Variants in NTM observed in about 807,000 individuals in gnomAD.
The protein encoded by NTM is IgLON family member 2.
Under a neutral mutation model 42.1 loss-of-function variants are expected in NTM, and 13 were observed. That is an observed-to-expected ratio of 0.31 (90% CI 0.20 to 0.49). NTM has a LOEUF of 0.49. NTM is among the 20% of genes least tolerant of loss of function. The pLI is 0.99. For synonymous variants in NTM, 187 were observed against 179.2 expected, an observed-to-expected ratio of 1.04 and a Z score of -0.35; for missense variants, 373 against 452.8, an observed-to-expected ratio of 0.82 and a Z score of 1.60.
intron 2 of NTM, among the ~76,000 whole-genome samples, chr11:131,948,203 TA>T (rs1442465861): frequency 3.3e-5 from 5 of 150,620 alleles, no homozygotes; most frequent in African/African-American, 9.8e-5. Flanking sequence ...CTACTAAAAA[TA>T]TAAAAAAAAA....
At chr11:131,824,944 G>T (rs565896132) in intron 1 of NTM, among the ~76,000 whole-genome samples, 1 of 152,292 alleles carries the variant, frequency 6.6e-6, no homozygotes, top group East Asian at 1.9e-4. Flanking sequence ...CGGCATGTAC[G>T]TTAGTTTGCT....
chr11:131,611,914 C>T (rs886458190), intron 1 of NTM, among the ~76,000 whole-genome samples: 3 of 152,186 alleles, frequency 2.0e-5, no homozygotes, highest in Non-Finnish European at 4.4e-5. Context: ...CTGTGGCAGC[C>T]ATCCTTCAAG....
At chr11:132,117,198 A>T (rs2064027298) in intron 2 of NTM, among the ~76,000 whole-genome samples, 1 of 152,254 alleles carries the variant, frequency 6.6e-6, no homozygotes, top group African/African-American at 2.4e-5. Context: ...TTAACCCTCT[A>T]GCAATGCAAA....
intron 2 of NTM, among the ~76,000 whole-genome samples, chr11:132,104,937 G>GTGTATATATATATA (rs1169190929): frequency 1.6e-5 from 1 of 61,826 alleles, no homozygotes; most frequent in Non-Finnish European, 3.0e-5. Context: ...ATATACATAT[G>GTGTATATATATATA]TATATATATA....
intron 8 of NTM, among the ~76,000 whole-genome samples, chr11:132,334,135 T>G (rs369478617): frequency 6.6e-6 from 1 of 152,252 alleles, no homozygotes; most frequent in East Asian, 1.9e-4. Context: ...TCCAAACTTA[T>G]GTACTCTACA....
chr11:131,910,570 G>C (rs1345388424), intron 1 of NTM, among the ~76,000 whole-genome samples: 1 of 151,194 alleles, frequency 6.6e-6, no homozygotes, highest in Non-Finnish European at 1.5e-5. Context: ...GTCAGGGATG[G>C]AGCTGCTGCC....
At chr11:131,745,258 T>C (rs1360059025) in intron 1 of NTM, among the ~76,000 whole-genome samples, 1 of 152,184 alleles carries the variant, frequency 6.6e-6, no homozygotes, top group African/African-American at 2.4e-5. Context: ...ACAGAATGCC[T>C]GTCCCCTACA....
intron 1 of NTM, among the ~76,000 whole-genome samples, chr11:131,371,261 A>T (rs1467253735): frequency 1.3e-5 from 2 of 152,212 alleles, no homozygotes; most frequent in African/African-American, 2.4e-5. Context: ...TGTGTTGCTT[A>T]TGCGACTGGG....
At position 132,212,007 on chromosome 11, in the gene NTM, G is replaced by C. The variant is rs775910023; in HGVS notation, c.401-15G>C. ...TCAGGAGGATTTTTATTTTCATTCT[G>C]TCTTGTTTCCACAGTATCTCCCAAA... is the stretch of plus-strand genomic sequence containing the variant. On this transcript the variant is annotated splice_polypyrimidine_tract_variant and intron_variant, in intron 3 of 8. Coordinates refer to ENST00000683400, the MANE Select transcript of NTM (RefSeq NM_001352005.2). The C allele has an allele frequency of 6.2e-7, 1 of 1,605,508 alleles. No homozygotes were observed. The highest frequency in any genetic ancestry group is 1.1e-5 in the South Asian group (1 of 88,988).
intron 1 of NTM, chr11:131,774,172 G>A: frequency 1.0e-6 from 1 of 958,604 alleles, no homozygotes; most frequent in Non-Finnish European, 1.2e-6. Context: ...AGCTCTAAGA[G>A]ATTTTCTTTA....
At position 132,099,225 on chromosome 11, in the gene NTM, T is replaced by C. The variant is rs186248936; in HGVS notation, c.168-47057T>C. Among the ~76,000 whole-genome samples the C allele has an allele frequency of 2.8e-4, 42 of 152,240 alleles. 1 individual carries two copies. The highest frequency in any genetic ancestry group is 4.2e-4 in the South Asian group (2 of 4,814). On this transcript the variant is annotated intron_variant, in intron 2 of 8. Coordinates refer to ENST00000683400, the MANE Select transcript of NTM (RefSeq NM_001352005.2). The stretch of plus-strand genomic sequence containing the variant: ...AGCTTGGAAACTCTCTCTTGAGCTG[T>C]AGGTAGTTGGCTCCAGGTTGATTGG...
At chr11:131,667,124 C>T (rs987312422) in intron 1 of NTM, among the ~76,000 whole-genome samples, 2 of 152,168 alleles carry the variant, frequency 1.3e-5, no homozygotes, top group African/African-American at 4.8e-5. Context: ...CTTGCCATCC[C>T]ACCTCTGTGC....
At chr11:131,600,022 C>T (rs1031857667) in intron 1 of NTM, among the ~76,000 whole-genome samples, 3 of 152,206 alleles carry the variant, frequency 2.0e-5, no homozygotes, top group Non-Finnish European at 4.4e-5. Flanking sequence ...GAGTACACAT[C>T]ACCTCTCCGA....
chr11:131,562,216 ATT>A (rs1361342190), intron 1 of NTM, among the ~76,000 whole-genome samples: 2 of 151,964 alleles, frequency 1.3e-5, no homozygotes, highest in Non-Finnish European at 2.9e-5. Flanking sequence ...GGAAAAGTCT[ATT>A]TCTCATCCGC....
At chr11:132,278,726 T>C (rs1336758094) in intron 4 of NTM, among the ~76,000 whole-genome samples, 1 of 151,258 alleles carries the variant, frequency 6.6e-6, no homozygotes, top group African/African-American at 2.4e-5. Flanking sequence ...AATGTCTTTC[T>C]TAACCTTCAT....
rs143212136 is a variant in NTM, at chr11:131,567,804, G to A, written c.82+196916G>A. On this transcript the variant is annotated intron_variant, in intron 1 of 8. Coordinates refer to ENST00000683400, the MANE Select transcript of NTM (RefSeq NM_001352005.2). ...ATCCATTCCACTTGCCCATCAAAATGAGAAGATGGCACCAGTGAAGGCAGA... is the reference window on the plus strand; with the variant it reads ...ATCCATTCCACTTGCCCATCAAAATAAGAAGATGGCACCAGTGAAGGCAGA... Among the ~76,000 whole-genome samples, 1,250 of 152,322 alleles carry A rather than the reference G, an allele frequency of 8.2e-3. 9 individuals carry two copies. Among genetic ancestry groups the A allele is most frequent in the Non-Finnish European group, 0.012 (850 of 68,028 alleles).
intron 3 of NTM, among the ~76,000 whole-genome samples, chr11:132,171,340 T>G (rs965743824): frequency 6.6e-6 from 1 of 152,178 alleles, no homozygotes; most frequent in Non-Finnish European, 1.5e-5. Context: ...GAACAGAAAT[T>G]TATTTCTTAC....
At chr11:132,046,841 TTATC>T (rs1190616380) in intron 2 of NTM, among the ~76,000 whole-genome samples, 1 of 152,228 alleles carries the variant, frequency 6.6e-6, no homozygotes, top group East Asian at 1.9e-4. Flanking sequence ...TATCTACTGT[TTATC>T]TATCTACCAT....
chr11:131,871,025 A>G (rs1413363511), intron 1 of NTM, among the ~76,000 whole-genome samples: 1 of 152,224 alleles, frequency 6.6e-6, no homozygotes, highest in Non-Finnish European at 1.5e-5. Context: ...AACAAATGTG[A>G]GAAAGCTCAT....
Sources: gnomAD v4.1 joint callset for allele counts (sites outside exome capture counted in the v4.1 genomes callset) on GRCh38, gnomAD v4.1.1 for gene constraint, MANE v1.5 for transcripts, NCBI Gene and HGNC (gene_info 2026-07-23, HGNC 2026-07-21) for gene names.